Variants in ZFYVE1 observed in about 807,000 individuals in gnomAD.
ZFYVE1 encodes zinc finger FYVE-type containing 1.
ZFYVE1 carries 30 observed loss-of-function variants against 74.4 expected under a neutral mutation model. That is an observed-to-expected ratio of 0.40 (90% CI 0.30 to 0.55). The LOEUF is 0.55. ZFYVE1 is among the 20% of genes least tolerant of loss of function. The pLI is 0.42. For missense variants in ZFYVE1, 703 were observed against 1,011.6 expected (o/e 0.69, Z 4.14); for synonymous variants, 335 against 385.1 (o/e 0.87, Z 1.52).
At chr14:73,010,768 T>TAAAAAAAAAAAAAAAAAAAAAAACAA (rs1894073353) in intron 2 of ZFYVE1, among the ~76,000 whole-genome samples, 1 of 58,986 alleles carries the variant, frequency 1.7e-5, no homozygotes, top group Non-Finnish European at 2.9e-5. Context: ...AGACTCCATC[T>TAAAAAAAAAAAAAAAAAAAAAAACAA]AAAAAAAAAA....
At chr14:73,006,709 CTTTT>C (rs35364666) in intron 2 of ZFYVE1, among the ~76,000 whole-genome samples, 4,313 of 77,288 alleles carry the variant, frequency 0.056, 52 homozygotes, top group Middle Eastern at 0.19. Flanking sequence ...ACCCCAGTTC[CTTTT>C]TTTTTTTTTT....
chr14:73,021,016 G>A (rs1332107136), intron 2 of ZFYVE1, among the ~76,000 whole-genome samples: 3 of 152,142 alleles, frequency 2.0e-5, no homozygotes, highest in Non-Finnish European at 2.9e-5. Context: ...TTACAGGTAT[G>A]AGCCACCATG....
chr14:72,979,134 C>G (rs902034299), intron 5 of ZFYVE1, 165 bp from the exon 6 acceptor site: 2 of 613,174 alleles, frequency 3.3e-6, no homozygotes, highest in African/African-American at 3.6e-5. Context: ...CCACATGCCT[C>G]TTTGTTACAC....
chr14:72,992,592 C>T (rs1594845078), intron 4 of ZFYVE1, among the ~76,000 whole-genome samples: 1 of 140,342 alleles, frequency 7.1e-6, no homozygotes, highest in African/African-American at 2.7e-5. Context: ...TTTTCTACCT[C>T]TGGGGGGAGG....
chr14:73,020,137 C>T (rs1005192783), intron 2 of ZFYVE1, among the ~76,000 whole-genome samples: 1 of 151,668 alleles, frequency 6.6e-6, no homozygotes, highest in Non-Finnish European at 1.5e-5. Context: ...CACCTGTAGT[C>T]CCATCTACTT....
At chr14:72,980,716 G>T (rs186907644) in intron 5 of ZFYVE1, among the ~76,000 whole-genome samples, 3 of 151,806 alleles carry the variant, frequency 2.0e-5, no homozygotes, top group Admixed American at 2.0e-4. Flanking sequence ...TACAGGCGCC[G>T]GCCACCGTGC....
intron 3 of ZFYVE1, among the ~76,000 whole-genome samples, chr14:72,996,271 A>G (rs779461912): frequency 5.9e-5 from 9 of 152,226 alleles, no homozygotes; most frequent in Non-Finnish European, 1.2e-4. Context: ...GCAGAAGTAT[A>G]CATGATCTGA....
At chr14:73,009,252 T>G (rs1001119136) in intron 2 of ZFYVE1, among the ~76,000 whole-genome samples, 1 of 152,240 alleles carries the variant, frequency 6.6e-6, no homozygotes, top group Non-Finnish European at 1.5e-5. Context: ...GGCTCTGTTA[T>G]TCACCTCTAA....
chr14:72,997,754 T>C (rs569659584), intron 3 of ZFYVE1, 57 bp downstream of exon 3: 25 of 1,514,870 alleles, frequency 1.7e-5, no homozygotes, highest in South Asian at 2.7e-5. Context: ...GCAGACCAAA[T>C]AGCTGCCTCC....
intron 3 of ZFYVE1, among the ~76,000 whole-genome samples, chr14:72,993,628 G>A (rs1378940885): frequency 1.3e-4 from 20 of 150,274 alleles, no homozygotes; most frequent in Admixed American, 9.3e-4. Context: ...GAACCCAGGA[G>A]GCGAAGGTTG....
intron 2 of ZFYVE1, among the ~76,000 whole-genome samples, chr14:73,013,717 C>T (rs970041962): frequency 4.6e-5 from 7 of 152,206 alleles, no homozygotes; most frequent in African/African-American, 1.7e-4. Flanking sequence ...ATACGTCTTT[C>T]CAACTCCCCT....
intron 2 of ZFYVE1, among the ~76,000 whole-genome samples, chr14:73,009,513 A>G (rs569207435): frequency 6.6e-6 from 1 of 152,234 alleles, no homozygotes; most frequent in South Asian, 2.1e-4. Flanking sequence ...TCTCAGCACT[A>G]TGGGAGGCCG....
chr14:72,985,718 T>G (rs1481462426), intron 4 of ZFYVE1, among the ~76,000 whole-genome samples: 3 of 150,242 alleles, frequency 2.0e-5, no homozygotes, highest in African/African-American at 7.4e-5. Context: ...ACAGAAGGTA[T>G]AGAGAACACC....
chr14:73,014,235 C>T (rs192675491), intron 2 of ZFYVE1, among the ~76,000 whole-genome samples: 5 of 152,236 alleles, frequency 3.3e-5, no homozygotes, highest in East Asian at 3.9e-4. Flanking sequence ...AACAAAATAG[C>T]GTACCAAGTT....
At chr14:72,986,965 G>A (rs1893498403) in intron 4 of ZFYVE1, 1 of 985,364 alleles carries the variant, frequency 1.0e-6, no homozygotes, top group Non-Finnish European at 1.2e-6. Flanking sequence ...GGCAGGGAAG[G>A]GCCCACCTAC....
At chr14:73,001,471 T>C (rs1893871636) in intron 2 of ZFYVE1, among the ~76,000 whole-genome samples, 2 of 152,110 alleles carry the variant, frequency 1.3e-5, no homozygotes, top group Non-Finnish European at 1.5e-5. Flanking sequence ...TCTATGGCCA[T>C]ACCCCACTGA....
intron 2 of ZFYVE1, among the ~76,000 whole-genome samples, chr14:73,009,950 T>A (rs1202393348): frequency 6.6e-6 from 1 of 151,702 alleles, no homozygotes; most frequent in Non-Finnish European, 1.5e-5. Flanking sequence ...TCTACAAAAA[T>A]CAATCAGTTA....
At chr14:72,988,969 G>A (rs896560709) in intron 4 of ZFYVE1, among the ~76,000 whole-genome samples, 4 of 123,458 alleles carry the variant, frequency 3.2e-5, no homozygotes, top group Admixed American at 1.0e-4. Flanking sequence ...TTGCTGTGTC[G>A]CCCAGGACAG....
intron 2 of ZFYVE1, among the ~76,000 whole-genome samples, chr14:73,017,576 C>A (rs1894227528): frequency 6.6e-6 from 1 of 152,172 alleles, no homozygotes; most frequent in Admixed American, 6.5e-5. Context: ...CTTAAATAAG[C>A]AAGTGTTATT....
Sources: allele counts gnomAD v4.1 joint callset (sites outside exome capture counted in the v4.1 genomes callset), GRCh38; gene constraint gnomAD v4.1.1; transcripts MANE v1.5; gene names NCBI Gene and HGNC (gene_info 2026-07-23, HGNC 2026-07-21).